The following ANK3 variants were observed in gnomAD, a reference collection of about 807,000 sequenced individuals.
The protein encoded by ANK3 is ankyrin 3, also known as ankyrin-3.
A neutral mutation model predicts 370.9 loss-of-function variants in ANK3; 57 were observed. The ratio of observed to expected loss-of-function variants is 0.15; its 90% CI spans 0.12 to 0.19. The LOEUF is 0.19. Among genes scored for constraint, ANK3 ranks in the 10% least tolerant of loss-of-function variants. The probability of loss-of-function intolerance (pLI) is 1.00; values close to 1 mark genes in which losing one functional copy is unlikely to be tolerated. For missense variants in ANK3, 4,439 were observed against 5,302.1 expected, an observed-to-expected ratio of 0.84 and a Z score of 5.06; for synonymous variants, 1,929 against 1,946.3, an observed-to-expected ratio of 0.99 and a Z score of 0.23.
chr10:60,519,321 A>G (rs1211101943), intron 2 of ANK3, among the ~76,000 whole-genome samples: 1 of 152,096 alleles, frequency 6.6e-6, no homozygotes, highest in Non-Finnish European at 1.5e-5. Flanking sequence ...TGTATTTAAG[A>G]CACTAGACAG....
At position 60,084,728 on chromosome 10, in the gene ANK3, AAC is replaced by A; in HGVS notation, c.3946_3947del (p.Val1316PhefsTer6). 1 of 1,613,734 alleles carries A rather than the reference AAC, an allele frequency of 6.2e-7. No individual in the cohort carries two copies. Among genetic ancestry groups the A allele is most frequent in the Non-Finnish European group, 8.5e-7 (1 of 1,179,854 alleles). On this transcript the variant is annotated frameshift_variant, in exon 32 of 44. Transcript: ENST00000280772. LOFTEE classifies it high-confidence loss of function. ...CTACGGGATCATTCATTTTGGCAAAAACAACAAACTTGGCCATATATGGAACA... is the reference window on the plus strand; with the variant it reads ...CTACGGGATCATTCATTTTGGCAAAAAACAAACTTGGCCATATATGGAACA... ...ICVPYMAKFV[V>X]FAKMNDPVES...
chr10:60,116,750 C>T (rs1444775246), intron 25 of ANK3, among the ~76,000 whole-genome samples: 3 of 147,314 alleles, frequency 2.0e-5, no homozygotes, highest in African/African-American at 7.6e-5. Flanking sequence ...ATCCTCCCCT[C>T]AGTCTAAAAA....
At chr10:60,644,541 G>GA (rs1225571260) in intron 1 of ANK3, among the ~76,000 whole-genome samples, 8 of 151,238 alleles carry the variant, frequency 5.3e-5, no homozygotes, top group African/African-American at 7.3e-5. Context: ...TTTTCTATTG[G>GA]AAAAAAAATG....
At chr10:60,100,371 TAC>T (rs1200973643) in intron 28 of ANK3, among the ~76,000 whole-genome samples, 1 of 149,362 alleles carries the variant, frequency 6.7e-6, no homozygotes, top group East Asian at 2.1e-4. Context: ...AACATAAAGC[TAC>T]ACATTTCACA....
chr10:60,091,456 G>GA (rs11419005), intron 28 of ANK3, among the ~76,000 whole-genome samples: 150,608 of 151,622 alleles, frequency 0.99, 74,805 homozygotes, highest in Middle Eastern at 1. Flanking sequence ...AGGGGATAAA[G>GA]GGGGTAGATA....
At chr10:60,404,588 A>G (rs77782467) in intron 2 of ANK3, among the ~76,000 whole-genome samples, 16,235 of 152,210 alleles carry the variant, frequency 0.11, 961 homozygotes, top group South Asian at 0.14. Context: ...AAAATCATAC[A>G]TCTAGACATA....
chr10:60,301,803 C>G (rs953161386), intron 1 of ANK3, among the ~76,000 whole-genome samples: 2 of 152,166 alleles, frequency 1.3e-5, no homozygotes, highest in African/African-American at 4.8e-5. Context: ...TTTTACTGTT[C>G]TCACACTTCA....
At chr10:60,715,709 C>A (rs2132019312) in intron 1 of ANK3, among the ~76,000 whole-genome samples, 1 of 152,202 alleles carries the variant, frequency 6.6e-6, no homozygotes, top group East Asian at 1.9e-4. Context: ...AAAATGTATT[C>A]TTAAATGGTA....
At chr10:60,617,457 T>C (rs1359802768) in intron 1 of ANK3, among the ~76,000 whole-genome samples, 1 of 152,148 alleles carries the variant, frequency 6.6e-6, no homozygotes, top group Non-Finnish European at 1.5e-5. Flanking sequence ...CAAAATTTGC[T>C]TTGAGGCACA....
intron 27 of ANK3, chr10:60,108,206 T>C (rs1028830100): frequency 1.1e-5 from 5 of 448,792 alleles, no homozygotes; most frequent in African/African-American, 1.0e-4. Context: ...TTTTGTTCCT[T>C]GAGGCCCAAG....
Position 60,135,790 on chromosome 10 carries a change from A to G in ANK3, c.2739-1417T>C, listed in dbSNP as rs141840090. On this transcript the variant is annotated intron_variant, in intron 24 of 43. Coordinates refer to ENST00000280772, the MANE Select transcript of ANK3 (RefSeq NM_020987.5). Reference sequence around the variant, plus strand: ...TACTAAAGAAAATCAGAAAGTGGGTATCCTTTTATCAAGGTACAGAGCCTC... The same window carrying G: ...TACTAAAGAAAATCAGAAAGTGGGTGTCCTTTTATCAAGGTACAGAGCCTC... Among the ~76,000 whole-genome samples the G allele has an allele frequency of 1.2e-3, 181 of 152,288 alleles. 2 individuals are homozygous for G. The highest frequency in any genetic ancestry group is 8.5e-3 in the South Asian group (41 of 4,830).
intron 43 of ANK3, among the ~76,000 whole-genome samples, chr10:60,035,874 A>T (rs918847828): frequency 5.3e-5 from 8 of 151,366 alleles, no homozygotes; most frequent in Non-Finnish European, 1.2e-4. Flanking sequence ...AAAATAAAAA[A>T]TATTATATAT....
At chr10:60,356,000 C>A (rs2057679275) in intron 1 of ANK3, among the ~76,000 whole-genome samples, 1 of 152,180 alleles carries the variant, frequency 6.6e-6, no homozygotes, top group South Asian at 2.1e-4. Flanking sequence ...ATTCAAAGAT[C>A]TTAACAGTCT....
chr10:60,059,526 T>C (rs2079914060), intron 40 of ANK3, 96 bp from the exon 41 acceptor site: 2 of 1,263,610 alleles, frequency 1.6e-6, no homozygotes, highest in Non-Finnish European at 2.3e-6. Flanking sequence ...TACTCCTTCT[T>C]CAAGTTGAAT....
intron 1 of ANK3, among the ~76,000 whole-genome samples, chr10:60,643,006 T>C (rs1564472712): frequency 6.6e-6 from 1 of 152,144 alleles, no homozygotes; most frequent in Admixed American, 6.6e-5. Flanking sequence ...ACTCTTATAT[T>C]TTCCTGTATT....
rs2094460995 is a variant in ANK3, at chr10:60,139,024, C to A, written c.2678G>T (p.Gly893Val). The A allele has an allele frequency of 6.2e-7, 1 of 1,613,846 alleles. No homozygotes were observed. Among genetic ancestry groups the A allele is most frequent in the East Asian group, 2.2e-5 (1 of 44,876 alleles). The part of the protein sequence containing the change: ...YLGPQDLKEL[G>V]DDSLPAEGYM... ...ACCCTCTGCAGGCAGGGAATCATCA[C>A]CCAATTCCTTAAGGTCCTGTGGCCC... Residue 893 changes from glycine (G) to valine (V), a missense_variant, in exon 24 of 44, where the codon GGT becomes GTT. Physicochemically the swap from Gly to Val is moderately radical, Grantham distance 109 (BLOSUM62 -3). Transcript: ENST00000280772.
chr10:60,561,579 G>A (rs534771516), intron 2 of ANK3, among the ~76,000 whole-genome samples: 3 of 152,154 alleles, frequency 2.0e-5, no homozygotes, highest in Non-Finnish European at 2.9e-5. Flanking sequence ...AATATTTTTC[G>A]TGACGTTTAA....
At chr10:60,360,165 A>G (rs1016327801) in intron 1 of ANK3, among the ~76,000 whole-genome samples, 4 of 152,172 alleles carry the variant, frequency 2.6e-5, no homozygotes, top group African/African-American at 7.2e-5. Flanking sequence ...ATGCGTGCCT[A>G]TATGTGTGCC....
At chr10:60,230,562 G>T (rs964281803) in intron 8 of ANK3, among the ~76,000 whole-genome samples, 4 of 152,106 alleles carry the variant, frequency 2.6e-5, no homozygotes, top group African/African-American at 9.7e-5. Context: ...GGGAAAATGG[G>T]AAAGACTTTC....
Sources: allele counts gnomAD v4.1 joint callset (sites outside exome capture counted in the v4.1 genomes callset), GRCh38; gene constraint gnomAD v4.1.1; transcripts MANE v1.5; gene names NCBI Gene and HGNC (gene_info 2026-07-23, HGNC 2026-07-21).